PDE4D: variants seen among roughly 807,000 people sequenced by gnomAD.
The protein encoded by PDE4D is phosphodiesterase 4D.
A neutral mutation model predicts 87.4 loss-of-function variants in PDE4D; 24 were observed. The ratio of observed to expected loss-of-function variants is 0.27; its 90% CI spans 0.20 to 0.39. The LOEUF is 0.39. Ranked by LOEUF, PDE4D falls within the 10% of genes least tolerant of loss-of-function variation. The probability of loss-of-function intolerance (pLI) is 1.00; values close to 1 mark genes in which losing one functional copy is unlikely to be tolerated. For synonymous variants in PDE4D, 384 were observed against 383.2 expected (o/e 1.00, Z -0.02); for missense variants, 714 against 1,041.0 (o/e 0.69, Z 4.32).
At chr5:59,437,915 G>T (rs1797015739) in intron 1 of PDE4D, among the ~76,000 whole-genome samples, 1 of 152,160 alleles carries the variant, frequency 6.6e-6, no homozygotes, top group Non-Finnish European at 1.5e-5. Flanking sequence ...GGCTGGGGAA[G>T]CCTCAGGAAA....
intron 1 of PDE4D, among the ~76,000 whole-genome samples, chr5:59,881,194 A>C (rs995160059): frequency 6.6e-6 from 1 of 152,178 alleles, no homozygotes; most frequent in African/African-American, 2.4e-5. Flanking sequence ...CAATAACAGG[A>C]GTAGCTGTGG....
At chr5:59,826,101 G>A (rs568883003) in intron 1 of PDE4D, among the ~76,000 whole-genome samples, 1 of 152,244 alleles carries the variant, frequency 6.6e-6, no homozygotes, top group Admixed American at 6.5e-5. Context: ...AAGAATTTGT[G>A]TTTTTCTGTT....
At chr5:59,245,585 A>G (rs888153602) in intron 1 of PDE4D, among the ~76,000 whole-genome samples, 6 of 152,112 alleles carry the variant, frequency 3.9e-5, no homozygotes, top group African/African-American at 1.4e-4. Context: ...ACCAAATCAA[A>G]AACTTCTACT....
chr5:60,068,794 G>A (rs528044384), intron 2 of PDE4D, among the ~76,000 whole-genome samples: 2 of 152,040 alleles, frequency 1.3e-5, no homozygotes, highest in Non-Finnish European at 2.9e-5. Flanking sequence ...TAGAGACAAG[G>A]TTTCACTATG....
intron 1 of PDE4D, among the ~76,000 whole-genome samples, chr5:60,376,803 G>A (rs760473364): frequency 2.6e-5 from 4 of 152,106 alleles, no homozygotes; most frequent in Admixed American, 1.3e-4. Context: ...CTTTCCACCT[G>A]GAAACTTTCT....
intron 1 of PDE4D, among the ~76,000 whole-genome samples, chr5:60,320,210 G>A (rs112314379): frequency 0.036 from 5,437 of 152,282 alleles, 134 homozygotes; most frequent in Middle Eastern, 0.082. Flanking sequence ...CCTTGCTGCC[G>A]CCTTGCAGTT....
At chr5:59,419,779 A>C (rs1463036069) in intron 1 of PDE4D, among the ~76,000 whole-genome samples, 1 of 152,204 alleles carries the variant, frequency 6.6e-6, no homozygotes, top group African/African-American at 2.4e-5. Flanking sequence ...GTAAACATAG[A>C]TACATCTTTT....
intron 5 of PDE4D, among the ~76,000 whole-genome samples, chr5:59,095,347 C>A (rs1769504047): frequency 6.7e-6 from 1 of 150,228 alleles, no homozygotes; most frequent in Non-Finnish European, 1.5e-5. Context: ...CAAAAAATAA[C>A]CAAAAACTAA....
chr5:60,023,958 G>C (rs1766362964), intron 2 of PDE4D, among the ~76,000 whole-genome samples: 1 of 152,060 alleles, frequency 6.6e-6, no homozygotes, highest in Admixed American at 6.6e-5. Context: ...AGAGAATTTT[G>C]CTCTTGATTT....
At chr5:59,289,406 T>G (rs1372673987) in intron 1 of PDE4D, among the ~76,000 whole-genome samples, 1 of 151,812 alleles carries the variant, frequency 6.6e-6, no homozygotes, top group Non-Finnish European at 1.5e-5. Flanking sequence ...GAAAATCACT[T>G]TTACTAAAAG....
intron 1 of PDE4D, among the ~76,000 whole-genome samples, chr5:60,214,589 T>G (rs1015674769): frequency 3.9e-5 from 6 of 152,128 alleles, no homozygotes; most frequent in African/African-American, 1.4e-4. Flanking sequence ...GATTACTTGT[T>G]AGGGCAGAAT....
intron 1 of PDE4D, among the ~76,000 whole-genome samples, chr5:60,378,895 GAGAA>G (rs527943468): frequency 1.8e-4 from 27 of 151,878 alleles, no homozygotes; most frequent in South Asian, 8.3e-4. Context: ...GAGAGAGAGA[GAGAA>G]AGAAAGAAAG....
At chr5:59,399,026 G>A (rs1417170144) in intron 1 of PDE4D, among the ~76,000 whole-genome samples, 12 of 121,920 alleles carry the variant, frequency 9.8e-5, no homozygotes, top group Non-Finnish European at 7.0e-5. Flanking sequence ...ACTTACAAGC[G>A]ACATGAAGGA....
At chr5:60,006,293 A>G (rs1052174777) in intron 2 of PDE4D, among the ~76,000 whole-genome samples, 32 of 146,650 alleles carry the variant, frequency 2.2e-4, no homozygotes, top group Admixed American at 3.3e-4. Context: ...AAACACAATT[A>G]CTTTCGCGCC....
At chr5:59,985,108 C>G (rs1762283297) in intron 3 of PDE4D, among the ~76,000 whole-genome samples, 1 of 149,386 alleles carries the variant, frequency 6.7e-6, no homozygotes, top group Non-Finnish European at 1.5e-5. Flanking sequence ...GAATATAAGC[C>G]CGAACTTCAC....
chr5:60,249,124 C>A (rs541879718), intron 1 of PDE4D, among the ~76,000 whole-genome samples: 34 of 152,110 alleles, frequency 2.2e-4, no homozygotes, highest in Admixed American at 7.2e-4. Flanking sequence ...TGCAGCTGGA[C>A]CCCTTCCTCT....
chr5:59,458,562 AC>A (rs533897530), intron 1 of PDE4D, among the ~76,000 whole-genome samples: 103 of 152,224 alleles, frequency 6.8e-4, no homozygotes, highest in Middle Eastern at 6.8e-3. Flanking sequence ...GAATCCCTAC[AC>A]CTTCTATCGT....
In PDE4D at chr5:60,159,312, C is replaced by CT. The variant is rs954310414; in HGVS notation, c.42+26244dup. ...ATTCCTGAAGTTGTTTTATGGTTAA[C>CT]TTTTTTTTTTGTAAGTAGGAGTACA... On this transcript the variant is annotated intron_variant, in intron 2 of 16. Transcript: ENST00000502484. Among the ~76,000 whole-genome samples, 162 of 148,922 alleles carry CT rather than the reference C, an allele frequency of 1.1e-3. 2 individuals carry two copies. Among genetic ancestry groups the CT allele is most frequent in the Middle Eastern group, 0.01 (3 of 290 alleles).
chr5:60,122,397 G>A (rs560522343), intron 2 of PDE4D, among the ~76,000 whole-genome samples: 4 of 152,318 alleles, frequency 2.6e-5, no homozygotes, highest in South Asian at 2.1e-4. Context: ...GGGCATCCAG[G>A]CATTTCCATA....
Sources: gnomAD v4.1 joint callset for allele counts (sites outside exome capture counted in the v4.1 genomes callset) on GRCh38, gnomAD v4.1.1 for gene constraint, MANE v1.5 for transcripts, NCBI Gene and HGNC (gene_info 2026-07-23, HGNC 2026-07-21) for gene names.